FRY: variants seen among roughly 807,000 people sequenced by gnomAD.
FRY encodes the protein protein furry homolog.
Under a neutral mutation model 348.4 loss-of-function variants are expected in FRY, and 128 were observed. The ratio of observed to expected loss-of-function variants is 0.37; its 90% CI spans 0.32 to 0.43. FRY has a LOEUF of 0.43. FRY is among the 20% of genes least tolerant of loss of function. The probability of loss-of-function intolerance (pLI) is 1.00; values close to 1 mark genes in which losing one functional copy is unlikely to be tolerated. For synonymous variants in FRY, 1,370 were observed against 1,374.7 expected (o/e 1.00, Z 0.08); for missense variants, 2,736 against 3,695.2 (o/e 0.74, Z 6.73).
At chr13:32,188,634 C>T (rs969461113) in intron 28 of FRY, among the ~76,000 whole-genome samples, 3 of 152,108 alleles carry the variant, frequency 2.0e-5, no homozygotes, top group African/African-American at 7.2e-5. Context: ...TCCTTGAGAA[C>T]CCCAAAAATC....
At chr13:32,128,112 T>A (rs1245563237) in intron 7 of FRY, among the ~76,000 whole-genome samples, 1 of 152,348 alleles carries the variant, frequency 6.6e-6, no homozygotes, top group East Asian at 1.9e-4. Flanking sequence ...TTTATAATCT[T>A]GATTTAAAGT....
At chr13:32,139,472 T>A (rs1879923204) in intron 11 of FRY, among the ~76,000 whole-genome samples, 1 of 152,052 alleles carries the variant, frequency 6.6e-6, no homozygotes, top group Non-Finnish European at 1.5e-5. Context: ...CAAGGGGCAG[T>A]GTGGCAGAGC....
At chr13:32,244,491 T>C (rs553420210) in intron 47 of FRY, among the ~76,000 whole-genome samples, 1 of 152,348 alleles carries the variant, frequency 6.6e-6, no homozygotes, top group South Asian at 2.1e-4. Flanking sequence ...TTGGTTTTTT[T>C]ATCCCGTTTC....
At chr13:32,132,948 A>G (rs1879460394) in intron 8 of FRY, among the ~76,000 whole-genome samples, 1 of 152,230 alleles carries the variant, frequency 6.6e-6, no homozygotes, top group African/African-American at 2.4e-5. Context: ...AAGGCCATGT[A>G]TTATATTATT....
chr13:32,218,476 C>T (rs71436466), intron 35 of FRY, among the ~76,000 whole-genome samples: 10 of 151,978 alleles, frequency 6.6e-5, no homozygotes, highest in Non-Finnish European at 1.5e-5. Context: ...GTCAGGAGAT[C>T]GAGACCAGCC....
chr13:32,122,001 A>G (rs917852707), intron 4 of FRY, among the ~76,000 whole-genome samples: 21 of 152,312 alleles, frequency 1.4e-4, no homozygotes, highest in African/African-American at 5.1e-4. Context: ...ACATGTGGCT[A>G]GCCAATTATC....
intron 2 of FRY, among the ~76,000 whole-genome samples, chr13:32,097,750 C>G (rs962927312): frequency 2.0e-5 from 3 of 151,896 alleles, no homozygotes; most frequent in South Asian, 2.1e-4. Flanking sequence ...AATAAAATTA[C>G]TATCTTATAT....
In FRY at chr13:32,295,465, A is replaced by G. The variant is rs1338623593; in HGVS notation, c.*5A>G. On this transcript the variant is annotated 3_prime_UTR_variant, in exon 61 of 61. Coordinates refer to ENST00000542859, the MANE Select transcript of FRY (RefSeq NM_023037.3). ...GTTTCTGGCACTAGTCTCTGACAGG[A>G]GCCTCCTGTCCCCACTGGGTTCCAA... 6.2e-7 allele frequency: 1 copy of G among 1,609,476 alleles called. No homozygotes were observed. Among genetic ancestry groups the G allele is most frequent in the Admixed American group, 1.7e-5 (1 of 60,014 alleles).
At position 32,288,410 on chromosome 13, in the gene FRY, A is replaced by C. The variant is rs947757562; in HGVS notation, c.8470-1223A>C. Among the ~76,000 whole-genome samples the C allele has an allele frequency of 4.9e-4, 74 of 152,354 alleles. 2 individuals carry two copies. Among genetic ancestry groups the C allele is most frequent in the African/African-American group, 1.8e-3 (73 of 41,590 alleles). On this transcript the variant is annotated intron_variant, in intron 58 of 60. Coordinates refer to ENST00000542859, the MANE Select transcript of FRY (RefSeq NM_023037.3). ...TATTGAGAGATCAAAGAATCTAGGC[A>C]GAATTGGTTTTCCCCTAAAGAGCAG...
At chr13:32,040,798 T>C (rs1333349003) in intron 1 of FRY, among the ~76,000 whole-genome samples, 1 of 152,220 alleles carries the variant, frequency 6.6e-6, no homozygotes, top group Non-Finnish European at 1.5e-5. Flanking sequence ...TGGAAATTGC[T>C]GGCATTCTGA....
intron 36 of FRY, among the ~76,000 whole-genome samples, chr13:32,222,544 C>A (rs367981498): frequency 6.6e-6 from 1 of 152,046 alleles, no homozygotes; most frequent in African/African-American, 2.4e-5. Context: ...AGGAAGACTG[C>A]AGGACAAGGA....
At chr13:32,274,482 C>T (rs150595559) in intron 55 of FRY, among the ~76,000 whole-genome samples, 6,291 of 151,004 alleles carry the variant, frequency 0.042, 157 homozygotes, top group Middle Eastern at 0.058. Flanking sequence ...CCGAGGCGGG[C>T]GGATCACAAG....
intron 17 of FRY, among the ~76,000 whole-genome samples, chr13:32,161,862 TTC>T: frequency 1.3e-5 from 2 of 152,328 alleles, no homozygotes; most frequent in Middle Eastern, 6.8e-3. Context: ...AAAATTTATT[TTC>T]TTTGAGTGAA....
At chr13:32,272,956 G>C (rs1380568515) in intron 55 of FRY, among the ~76,000 whole-genome samples, 1 of 151,612 alleles carries the variant, frequency 6.6e-6, no homozygotes. Context: ...ATGTTGGCCA[G>C]GCAGGTTTTG....
chr13:32,173,394 AT>A lies in FRY; in HGVS notation c.2181del (p.Gln728SerfsTer14). 1 of 1,612,234 alleles carries A rather than the reference AT, an allele frequency of 6.2e-7. No individual in the cohort carries two copies. On this transcript the variant is annotated frameshift_variant, in exon 19 of 61. Transcript: ENST00000542859. LOFTEE classifies it high-confidence loss of function. ...ELIANGSSHR[I>X]QSERGPHCSV... ...CATCGCAAATGGCTCCAGTCACAGA[AT>A]TCAGTCGGAACGAGGTCCCCACTGC...
intron 2 of FRY, among the ~76,000 whole-genome samples, chr13:32,084,992 TTAA>T (rs1875765588): frequency 6.6e-6 from 1 of 152,146 alleles, no homozygotes; most frequent in African/African-American, 2.4e-5. Flanking sequence ...GAATGAAACA[TTAA>T]TATAATAGCT....
Position 32,254,127 on chromosome 13 carries a change from C to T in FRY, c.7246-97C>T, listed in dbSNP as rs575049104. The T allele has an allele frequency of 3.0e-5, 33 of 1,085,682 alleles. No homozygotes were observed. The South Asian group carries it at 4.0e-4, about 13-fold the overall frequency. 67.3% of individuals were successfully genotyped at this position (1,085,682 alleles called of 1,614,324 possible). A position where few individuals can be genotyped will look rare whatever the true frequency, so the allele number is the denominator to read the frequency against. ...ACCCACTGAAGGAATTAGGTGTGTA[C>T]TGGAAATACGGTGCTATGAAGAGCC... On this transcript the variant is annotated intron_variant, in intron 50 of 60. Coordinates refer to ENST00000542859, the MANE Select transcript of FRY (RefSeq NM_023037.3).
chr13:32,289,500 G>A, intron 58 of FRY, 133 bp from the exon 59 acceptor site: 1 of 658,414 alleles, frequency 1.5e-6, no homozygotes, highest in African/African-American at 1.8e-5. Context: ...TCATTTTTCT[G>A]TTTTATTTGG....
At chr13:32,283,372 A>C (rs1416372062) in intron 58 of FRY, among the ~76,000 whole-genome samples, 1 of 152,184 alleles carries the variant, frequency 6.6e-6, no homozygotes, top group Non-Finnish European at 1.5e-5. Flanking sequence ...ACCAGTCATC[A>C]TGATGTTTGG....
Sources: allele counts gnomAD v4.1 joint callset (sites outside exome capture counted in the v4.1 genomes callset), GRCh38; gene constraint gnomAD v4.1.1; transcripts MANE v1.5; gene names NCBI Gene and HGNC (gene_info 2026-07-23, HGNC 2026-07-21).